The following AP3D1 variants were observed in gnomAD, a reference collection of about 807,000 sequenced individuals.
AP3D1 encodes adaptor related protein complex 3 subunit delta 1.
In AP3D1, 51 loss-of-function variants were observed where a neutral mutation model predicts 147.6. The ratio of observed to expected loss-of-function variants is 0.35; its 90% CI spans 0.28 to 0.44. The LOEUF (loss-of-function observed/expected upper bound fraction) is 0.44, where lower values mean the gene tolerates loss of function less well. Among genes scored for constraint, AP3D1 ranks in the 20% least tolerant of loss-of-function variants. AP3D1 has a pLI of 1.00. For missense variants in AP3D1, 1,421 were observed against 1,624.2 expected (o/e 0.87, Z 2.15); for synonymous variants, 760 against 663.0 (o/e 1.15, Z -2.25).
chr19:2,130,641 G>C (rs543433255), intron 5 of AP3D1, 104 bp from the exon 6 acceptor site: 1 of 1,533,022 alleles, frequency 6.5e-7, no homozygotes, highest in African/African-American at 1.4e-5. Flanking sequence ...CCTCCAGCCC[G>C]ACGCTGTGGC....
At position 2,163,771 on chromosome 19, in the gene AP3D1, T is replaced by TGCG. The variant is rs1568319369; in HGVS notation, c.-103+584_-103+585insCGC. On this transcript the variant is annotated intron_variant, in intron 1 of 14. Coordinates refer to the AP3D1 transcript ENST00000643010. ...GCAACCGAGGACGTGCGTGCGTACGTTCGTGCGTGCGTGGATTCGGGCGGG... is the reference window on the plus strand; with the variant it reads ...GCAACCGAGGACGTGCGTGCGTACGTGCGTCGTGCGTGCGTGGATTCGGGCGGG... 8.6e-5 allele frequency among the ~76,000 whole-genome samples: 13 copies of TGCG among 151,212 alleles called. No homozygotes were observed. The South Asian group carries it at 1.5e-3, about 17-fold the overall frequency.
At chr19:2,149,306 G>A (rs999110711) in intron 1 of AP3D1, among the ~76,000 whole-genome samples, 1 of 152,180 alleles carries the variant, frequency 6.6e-6, no homozygotes, top group Non-Finnish European at 1.5e-5. Context: ...AACACTCTGG[G>A]AGGCTAAGGC....
chr19:2,132,955 G>A (rs1359638063), intron 4 of AP3D1, among the ~76,000 whole-genome samples: 9 of 152,172 alleles, frequency 5.9e-5, no homozygotes, highest in African/African-American at 7.2e-5. Flanking sequence ...AGCACTCTGC[G>A]TGGGAATCAA....
chr19:2,139,994 A>G (rs988365493), intron 1 of AP3D1, among the ~76,000 whole-genome samples: 6 of 152,066 alleles, frequency 3.9e-5, no homozygotes, highest in East Asian at 1.9e-4. Context: ...ACAGACACAT[A>G]ATATTTTCCT....
intron 31 of AP3D1, among the ~76,000 whole-genome samples, chr19:2,108,068 T>C (rs1008833522): frequency 2.0e-5 from 3 of 152,170 alleles, no homozygotes; most frequent in Non-Finnish European, 4.4e-5. Context: ...GAATTCTGTA[T>C]ACACATTTCT....
chr19:2,131,450 A>T (rs3889954), intron 5 of AP3D1, among the ~76,000 whole-genome samples: 12,231 of 70,212 alleles, frequency 0.17, 362 homozygotes, highest in Non-Finnish European at 0.22. Context: ...GGCAGCCACG[A>T]GGGGACAGGG....
chr19:2,111,261 C>A (rs1295916060), intron 26 of AP3D1, 24 bp downstream of exon 26: 1 of 1,613,628 alleles, frequency 6.2e-7, no homozygotes, highest in Non-Finnish European at 8.5e-7. Context: ...GCCCACCCTG[C>A]CCCTGGGAGC....
intron 10 of AP3D1, among the ~76,000 whole-genome samples, 188 bp downstream of exon 10, chr19:2,123,642 A>G (rs2018670514): frequency 6.6e-6 from 1 of 152,140 alleles, no homozygotes; most frequent in African/African-American, 2.4e-5. Flanking sequence ...CACCCCACAG[A>G]CACATGATGG....
intron 13 of AP3D1, 27 bp downstream of exon 13, chr19:2,121,136 G>A (rs771457626): frequency 2.5e-5 from 40 of 1,613,696 alleles, no homozygotes; most frequent in Admixed American, 1.0e-4. Flanking sequence ...CGGAACCCCC[G>A]GCCACACCCC....
At chr19:2,120,159 A>C (rs184550259) in intron 14 of AP3D1, among the ~76,000 whole-genome samples, 42 of 152,300 alleles carry the variant, frequency 2.8e-4, no homozygotes, top group Admixed American at 2.4e-3. Flanking sequence ...CATAGCAGCA[A>C]ATCTCATAAA....
At chr19:2,108,665 T>C (rs555478575) in intron 31 of AP3D1, 22 bp downstream of exon 31, 136 of 1,562,868 alleles carry the variant, frequency 8.7e-5, no homozygotes, top group Non-Finnish European at 1.2e-4. Flanking sequence ...AGCCAGGGTG[T>C]GCACAGCAGC....
chr19:2,112,275 C>T (rs534759576), intron 24 of AP3D1: 2 of 186,760 alleles, frequency 1.1e-5, no homozygotes, highest in Admixed American at 5.5e-5. Flanking sequence ...GGCCCATCCG[C>T]GGAGGAACGG....
At chr19:2,130,381 C>T (rs2018904583) in intron 6 of AP3D1, 27 bp downstream of exon 6, 2 of 1,613,332 alleles carry the variant, frequency 1.2e-6, no homozygotes, top group African/African-American at 1.3e-5. Flanking sequence ...CACCCTCAAC[C>T]CTGAGGCTTA....
At chr19:2,134,709 C>A (rs1199886283) in intron 4 of AP3D1, among the ~76,000 whole-genome samples, 1 of 151,624 alleles carries the variant, frequency 6.6e-6, no homozygotes, top group Non-Finnish European at 1.5e-5. Flanking sequence ...TCAAACAATT[C>A]TCCTGCCTCA....
At chr19:2,164,211 G>A (rs1241311961) in intron 1 of AP3D1, 2 of 1,281,606 alleles carry the variant, frequency 1.6e-6, no homozygotes, top group African/African-American at 1.5e-5. Context: ...AGCTGAGACT[G>A]AAGTCGCCCG....
chr19:2,161,155 GTTT>G (rs58654241), intron 1 of AP3D1, among the ~76,000 whole-genome samples: 1 of 125,380 alleles, frequency 8.0e-6, no homozygotes. Context: ...GCTTCTCCTA[GTTT>G]TTTTTTTTTT....
At chr19:2,144,952 CCA>C (rs768929969) in intron 1 of AP3D1, among the ~76,000 whole-genome samples, 1 of 152,252 alleles carries the variant, frequency 6.6e-6, no homozygotes, top group African/African-American at 2.4e-5. Context: ...TGGCTCAAAT[CCA>C]CAGAGACAGC....
At chr19:2,145,039 T>C (rs1320472817) in intron 1 of AP3D1, among the ~76,000 whole-genome samples, 1 of 152,224 alleles carries the variant, frequency 6.6e-6, no homozygotes, top group Non-Finnish European at 1.5e-5. Flanking sequence ...TTTGTAAATA[T>C]ACTGAAATCT....
At chr19:2,113,098 G>A (rs1403325613) in intron 23 of AP3D1, 131 bp from the exon 24 acceptor site, 5 of 669,790 alleles carry the variant, frequency 7.5e-6, no homozygotes, top group Non-Finnish European at 7.5e-6. Context: ...AGTGCCCTCC[G>A]AGTGACAGGG....
Sources: gnomAD v4.1 joint callset for allele counts (sites outside exome capture counted in the v4.1 genomes callset) on GRCh38, gnomAD v4.1.1 for gene constraint, MANE v1.5 for transcripts, NCBI Gene and HGNC (gene_info 2026-07-23, HGNC 2026-07-21) for gene names.